The following GLB1 variants were observed in gnomAD, a reference collection of about 807,000 sequenced individuals.
GLB1 encodes the protein galactosidase beta 1.
Under a neutral mutation model 74.0 loss-of-function variants are expected in GLB1, and 56 were observed. That is an observed-to-expected ratio of 0.76 (90% CI 0.61 to 0.94). The LOEUF is 0.94. Ranked by LOEUF, GLB1 falls within the 40% of genes least tolerant of loss-of-function variation. GLB1 has a pLI of 0.00. For missense variants in GLB1, 787 were observed against 845.5 expected, an observed-to-expected ratio of 0.93 and a Z score of 0.86; for synonymous variants, 323 against 323.6, an observed-to-expected ratio of 1.00 and a Z score of 0.02.
At chr3:33,047,917 C>CAT (rs1004221640) in intron 9 of GLB1, among the ~76,000 whole-genome samples, 4 of 151,926 alleles carry the variant, frequency 2.6e-5, no homozygotes, top group African/African-American at 9.7e-5. Flanking sequence ...TTAAGGGATT[C>CAT]ATAGGTTAAA....
the GLB1 span, among the ~76,000 whole-genome samples, chr3:32,968,345 C>T: frequency 6.6e-6 from 1 of 151,988 alleles, no homozygotes; most frequent in Admixed American, 6.6e-5. Context: ...ATGGTCAAGG[C>T]CATGGTATGA....
At chr3:33,092,241 A>C (rs551287893) in intron 1 of GLB1, 9 of 985,582 alleles carry the variant, frequency 9.1e-6, no homozygotes, top group African/African-American at 1.7e-5. Flanking sequence ...GGAGCTTTGC[A>C]TTCCAGTAGA....
intron 1 of GLB1, among the ~76,000 whole-genome samples, chr3:33,096,160 A>C (rs72856192): frequency 0.017 from 2,532 of 152,200 alleles, 63 homozygotes; most frequent in African/African-American, 0.057. Context: ...GGAGGAACCA[A>C]AGTTGGTCCG....
chr3:32,990,770 G>C, the GLB1 span, among the ~76,000 whole-genome samples: 2 of 152,102 alleles, frequency 1.3e-5, no homozygotes, highest in Non-Finnish European at 2.9e-5. Flanking sequence ...TCAGGAGATC[G>C]AGACCATCCT....
intron 10 of GLB1, among the ~76,000 whole-genome samples, chr3:33,036,149 C>T (rs1208969135): frequency 6.6e-6 from 1 of 152,154 alleles, no homozygotes; most frequent in Non-Finnish European, 1.5e-5. Flanking sequence ...GCTCTGGTTC[C>T]AGAGTGTGAC....
Position 33,093,563 on chromosome 3 carries a change from G to A in GLB1, c.75+3448C>T, listed in dbSNP as rs146436524. On this transcript the variant is annotated intron_variant, in intron 1 of 15. Transcript: ENST00000307363. This position sits in a 1 kb window ranked among gnomAD's most constrained non-coding sequence, Gnocchi z 6.0. ...TGGGGCCCAAGTGAATGTCTGAGAGGAGCACGATCTTGAGGTTGTTCATTG... is the reference window on the plus strand; with the variant it reads ...TGGGGCCCAAGTGAATGTCTGAGAGAAGCACGATCTTGAGGTTGTTCATTG... 6.1e-5 allele frequency: 98 copies of A among 1,614,080 alleles called. No individual in the cohort carries two copies. The highest frequency in any genetic ancestry group is 2.2e-4 in the Admixed American group (13 of 60,000).
intron 5 of GLB1, among the ~76,000 whole-genome samples, chr3:33,061,424 C>CA (rs1473816016): frequency 6.6e-6 from 1 of 152,034 alleles, no homozygotes; most frequent in Admixed American, 6.5e-5. Context: ...AACAAACAAA[C>CA]AAAAAACCAC....
At chr3:33,016,131 A>G (rs1697228373) in intron 14 of GLB1, among the ~76,000 whole-genome samples, 1 of 152,226 alleles carries the variant, frequency 6.6e-6, no homozygotes, top group African/African-American at 2.4e-5. Flanking sequence ...CTAACCATCC[A>G]AACCCATAAA....
chr3:32,992,173 T>C (rs1022946507), downstream of GLB1, among the ~76,000 whole-genome samples: 4 of 152,234 alleles, frequency 2.6e-5, no homozygotes, highest in Non-Finnish European at 5.9e-5. Flanking sequence ...AGTCTCTGGT[T>C]AATGCTGGAG....
intron 10 of GLB1, among the ~76,000 whole-genome samples, chr3:33,043,851 A>AG (rs1698633577): frequency 1.8e-5 from 1 of 54,090 alleles, no homozygotes; most frequent in Admixed American, 2.5e-4. Flanking sequence ...AAAGAAAAAA[A>AG]AAAAAAAAAA....
chr3:33,092,532 G>A (rs1183846530), intron 1 of GLB1: 28 of 1,140,722 alleles, frequency 2.5e-5, no homozygotes, highest in Non-Finnish European at 2.9e-5. Context: ...ATCCCTGGGA[G>A]CTCTGCAGGA....
At chr3:33,033,182 G>A (rs749020261) in intron 10 of GLB1, among the ~76,000 whole-genome samples, 3 of 152,280 alleles carry the variant, frequency 2.0e-5, no homozygotes, top group South Asian at 2.1e-4. Context: ...ACCCAGCCCC[G>A]GAAGTACATG....
chr3:32,964,139 A>C, the GLB1 span, among the ~76,000 whole-genome samples: 1 of 152,212 alleles, frequency 6.6e-6, no homozygotes, highest in African/African-American at 2.4e-5. Context: ...GCTTGATATA[A>C]ACAGACTATC....
intron 10 of GLB1, among the ~76,000 whole-genome samples, chr3:33,025,252 CTCTT>C (rs1267826335): frequency 3.3e-5 from 5 of 152,194 alleles, no homozygotes; most frequent in Non-Finnish European, 2.9e-5. Flanking sequence ...GCCACAAATC[CTCTT>C]TTTTTAAACT....
At chr3:33,051,860 C>T (rs764496826) in intron 8 of GLB1, 23 bp downstream of exon 8, 2 of 1,614,222 alleles carry the variant, frequency 1.2e-6, no homozygotes, top group Non-Finnish European at 1.7e-6. Flanking sequence ...AGGGCACCCT[C>T]CCCTCAGGCA....
At chr3:32,998,271 G>T (rs1696397131) in intron 15 of GLB1, among the ~76,000 whole-genome samples, 1 of 152,206 alleles carries the variant, frequency 6.6e-6, no homozygotes, top group Non-Finnish European at 1.5e-5. Flanking sequence ...ACTTTGGGAG[G>T]CCAAGGCAGG....
chr3:32,993,768 T>C (rs548361718), downstream of GLB1, among the ~76,000 whole-genome samples: 1 of 152,096 alleles, frequency 6.6e-6, no homozygotes, highest in East Asian at 1.9e-4. Context: ...ACTCCTGACC[T>C]CAGGTGATCC....
intron 1 of GLB1, among the ~76,000 whole-genome samples, chr3:33,085,909 C>CAA (rs56129722): frequency 5.4e-4 from 64 of 117,614 alleles, no homozygotes; most frequent in East Asian, 4.9e-3. Context: ...CTGTCTCTAC[C>CAA]AAAAAAAAAA....
At chr3:32,982,182 G>A in the GLB1 span, among the ~76,000 whole-genome samples, 24 of 151,976 alleles carry the variant, frequency 1.6e-4, no homozygotes, top group South Asian at 3.8e-3. Flanking sequence ...GCATGGTGGC[G>A]CATGCCTGTA....
Sources: gnomAD v4.1 joint callset for allele counts (sites outside exome capture counted in the v4.1 genomes callset) on GRCh38, gnomAD v4.1.1 for gene constraint, Gnocchi (gnomAD v3.1) non-coding constraint, MANE v1.5 for transcripts, NCBI Gene and HGNC (gene_info 2026-07-23, HGNC 2026-07-21) for gene names.